UBE2L3: variants seen among roughly 807,000 people sequenced by gnomAD.
The protein encoded by UBE2L3 is ubiquitin-conjugating enzyme E2 L3.
Under a neutral mutation model 17.8 loss-of-function variants are expected in UBE2L3, and 1 was observed. The ratio of observed to expected loss-of-function variants is 0.06; its 90% CI spans 0.02 to 0.27. The LOEUF is 0.27. Ranked by LOEUF, UBE2L3 falls within the 10% of genes least tolerant of loss-of-function variation. The pLI, the probability that UBE2L3 is intolerant of heterozygous loss-of-function variation, is 1.00. For missense variants in UBE2L3, 40 were observed against 192.6 expected (o/e 0.21, Z 4.69); for synonymous variants, 44 against 68.5 (o/e 0.64, Z 1.76).
At chr22:21,602,695 T>C (rs998355450) in intron 2 of UBE2L3, among the ~76,000 whole-genome samples, 1 of 152,186 alleles carries the variant, frequency 6.6e-6, no homozygotes, top group Non-Finnish European at 1.5e-5. Context: ...CTTTGTGCCA[T>C]GGGAGGTTGA....
intron 1 of UBE2L3, among the ~76,000 whole-genome samples, chr22:21,574,866 G>A (rs1267445692): frequency 1.3e-5 from 2 of 152,144 alleles, no homozygotes; most frequent in Admixed American, 1.3e-4. Context: ...TAGGGAGGGG[G>A]AGGCAGAAGA....
chr22:21,601,629 ACAAGGTT>A (rs1928864139), intron 2 of UBE2L3, among the ~76,000 whole-genome samples: 1 of 151,740 alleles, frequency 6.6e-6, no homozygotes, highest in South Asian at 2.1e-4. Flanking sequence ...TCAGCTCTTG[ACAAGGTT>A]CCAGAGTGGA....
chr22:21,580,358 A>G (rs1165055781), intron 1 of UBE2L3, among the ~76,000 whole-genome samples: 1 of 152,216 alleles, frequency 6.6e-6, no homozygotes, highest in African/African-American at 2.4e-5. Context: ...GAATGGCCTT[A>G]TAATTGACCA....
upstream of UBE2L3, among the ~76,000 whole-genome samples, chr22:21,565,990 T>TTTG (rs131663): frequency 6.7e-6 from 1 of 148,238 alleles, no homozygotes; most frequent in Non-Finnish European, 1.5e-5. Flanking sequence ...TTTTTTTTTT[T>TTTG]AAGATGGAGT....
chr22:21,569,395 CAAAAAA>C (rs541227444), intron 1 of UBE2L3, among the ~76,000 whole-genome samples: 13 of 86,186 alleles, frequency 1.5e-4, no homozygotes, highest in Admixed American at 3.8e-4. Flanking sequence ...GACTCCATGT[CAAAAAA>C]AAAAAAAAAA....
intron 3 of UBE2L3, among the ~76,000 whole-genome samples, chr22:21,619,817 G>A (rs1200163650): frequency 6.6e-6 from 1 of 152,182 alleles, no homozygotes; most frequent in African/African-American, 2.4e-5. Context: ...TCAGCCTCCT[G>A]AGTAGCTGGG....
At chr22:21,582,715 G>A (rs1486158102) in intron 1 of UBE2L3, among the ~76,000 whole-genome samples, 3 of 152,006 alleles carry the variant, frequency 2.0e-5, no homozygotes, top group Non-Finnish European at 2.9e-5. Flanking sequence ...TAGTAGAGAC[G>A]AGGTTTCACC....
rs1346272334 is a variant in UBE2L3 at position 21,610,886 on chromosome 22, C to T, written c.153C>T (p.Phe51=). The change falls in exon 3 of 4, where the codon TTC becomes TTT. Residue 51 remains phenylalanine, a synonymous_variant. Transcript: ENST00000342192. Reference sequence around the variant, plus strand: ...ACCCTCCATATGATAAGGGAGCCTTCAGAATCGAAATCAACTTTCCAGCAG... The same window carrying T: ...ACCCTCCATATGATAAGGGAGCCTTTAGAATCGAAATCAACTTTCCAGCAG... ...PDNPPYDKGA[F]RIEINFPAEY... 6.2e-7 allele frequency: 1 copy of T among 1,611,908 alleles called. No homozygotes were observed. The highest frequency in any genetic ancestry group is 2.2e-5 in the East Asian group (1 of 44,824).
At chr22:21,608,567 C>T (rs1457240050) in intron 2 of UBE2L3, among the ~76,000 whole-genome samples, 11 of 151,874 alleles carry the variant, frequency 7.2e-5, no homozygotes, top group African/African-American at 2.4e-4. Context: ...GGACTACAGG[C>T]GTGCACCACT....
chr22:21,622,201 A>G lies in UBE2L3; in HGVS notation c.*532A>G, dbSNP rs1348001263. On this transcript the variant is annotated 3_prime_UTR_variant, in exon 4 of 4. Transcript: ENST00000342192. ...GTGGGAGTTGGTTTAAATTCTCCTGACTCCAGTTTATAACATCCTTTTAAA... is the reference window on the plus strand; with the variant it reads ...GTGGGAGTTGGTTTAAATTCTCCTGGCTCCAGTTTATAACATCCTTTTAAA... 2 of 152,440 alleles carry G rather than the reference A, an allele frequency of 1.3e-5. No individual in the cohort carries two copies. The highest frequency in any genetic ancestry group is 2.9e-5 in the Non-Finnish European group (2 of 68,368). The allele number at this position is 152,440 out of a possible 1,614,324, so 9.4% of individuals were successfully genotyped here. A position where few individuals can be genotyped will look rare whatever the true frequency, so the allele number is the denominator to read the frequency against.
intron 1 of UBE2L3, among the ~76,000 whole-genome samples, chr22:21,571,608 G>A (rs1365653266): frequency 6.6e-6 from 1 of 152,154 alleles, no homozygotes; most frequent in Non-Finnish European, 1.5e-5. Flanking sequence ...CACCATGTTT[G>A]CCATGCTGGT....
At chr22:21,588,382 G>A (rs185237854) in intron 1 of UBE2L3, among the ~76,000 whole-genome samples, 1 of 151,736 alleles carries the variant, frequency 6.6e-6, no homozygotes, top group African/African-American at 2.4e-5. Context: ...CAACCATCTT[G>A]AGGGTTTGAG....
upstream of UBE2L3, among the ~76,000 whole-genome samples, chr22:21,564,043 T>C (rs1421559785): frequency 6.6e-6 from 1 of 151,002 alleles, no homozygotes; most frequent in Non-Finnish European, 1.5e-5. Context: ...CTTTCTTTTT[T>C]TTTTTTTTTT....
chr22:21,605,672 A>C (rs796613003), intron 2 of UBE2L3, among the ~76,000 whole-genome samples: 1 of 151,856 alleles, frequency 6.6e-6, no homozygotes, highest in Non-Finnish European at 1.5e-5. Flanking sequence ...CGCCTGGCTA[A>C]TTTTTGTATT....
At chr22:21,614,667 T>C (rs562202205) in intron 3 of UBE2L3, 1 of 1,358,036 alleles carries the variant, frequency 7.4e-7, no homozygotes, top group South Asian at 1.1e-5. Flanking sequence ...TACAGAAAAG[T>C]AAGCATAATG....
chr22:21,604,626 T>C (rs1929050561), intron 2 of UBE2L3, among the ~76,000 whole-genome samples: 1 of 152,236 alleles, frequency 6.6e-6, no homozygotes, highest in African/African-American at 2.4e-5. Context: ...GTTTTTTCAT[T>C]AACATCCCTT....
intron 1 of UBE2L3, among the ~76,000 whole-genome samples, chr22:21,581,059 T>TA (rs1465115564): frequency 6.7e-6 from 1 of 149,526 alleles, no homozygotes; most frequent in Middle Eastern, 3.3e-3. Context: ...CGGCTAATTT[T>TA]TTTTTTTTTT....
rs1927973804 is a variant in UBE2L3, at chr22:21,586,924, G to C, written c.28-5937G>C. Among the ~76,000 whole-genome samples, 3 of 148,010 alleles carry C rather than the reference G, an allele frequency of 2.0e-5. No individual in the cohort carries two copies. In the East Asian group the frequency reaches 6.1e-4, roughly 30 times the overall value. ...AGATAGGTTCTCGCTCTGTCGCCCA[G>C]GCTGGAGTTGGAGTACAATGGTGTG... On this transcript the variant is annotated intron_variant, in intron 1 of 3. Coordinates refer to ENST00000342192, the MANE Select transcript of UBE2L3 (RefSeq NM_003347.4).
chr22:21,567,727 A>C lies in UBE2L3; in HGVS notation c.-18A>C, dbSNP rs778256618. On this transcript the variant is annotated 5_prime_UTR_variant, in exon 1 of 4. Transcript: ENST00000342192. ...CGGCCGCGATGCATTCTGGGGAAGG[A>C]GCAGCACCAAATCCAAGATGGCGGC... 1.3e-6 allele frequency: 2 copies of C among 1,579,050 alleles called. No individual in the cohort carries two copies. Among genetic ancestry groups the C allele is most frequent in the Non-Finnish European group, 1.7e-6 (2 of 1,163,910 alleles).
Sources: gnomAD v4.1 joint callset for allele counts (sites outside exome capture counted in the v4.1 genomes callset) on GRCh38, gnomAD v4.1.1 for gene constraint, MANE v1.5 for transcripts, NCBI Gene and HGNC (gene_info 2026-07-23, HGNC 2026-07-21) for gene names.